Variants in PDE4B observed in about 807,000 individuals in gnomAD.
The protein encoded by PDE4B is phosphodiesterase 4B, also known as 3',5'-cyclic-AMP phosphodiesterase 4B.
Under a neutral mutation model 82.2 loss-of-function variants are expected in PDE4B, and 20 were observed. The observed-to-expected ratio is 0.24, with a 90% CI of 0.17 to 0.35. The LOEUF is 0.35. Among genes scored for constraint, PDE4B ranks in the 10% least tolerant of loss-of-function variants. The probability of loss-of-function intolerance (pLI) is 1.00; values close to 1 mark genes in which losing one functional copy is unlikely to be tolerated. For synonymous variants in PDE4B, 320 were observed against 318.9 expected (o/e 1.00, Z -0.04); for missense variants, 655 against 907.2 (o/e 0.72, Z 3.57).
At chr1:65,967,241 T>G (rs1250537263) in intron 3 of PDE4B, among the ~76,000 whole-genome samples, 2 of 152,132 alleles carry the variant, frequency 1.3e-5, no homozygotes, top group Non-Finnish European at 2.9e-5. Flanking sequence ...AACAGACACT[T>G]CTCAAAAGAA....
chr1:66,332,214 A>G (rs1660164822), intron 7 of PDE4B: 1 of 1,441,214 alleles, frequency 6.9e-7, no homozygotes, highest in Admixed American at 2.8e-5. Context: ...AGATGAGCTT[A>G]TAAGAGACCG....
intron 8 of PDE4B, among the ~76,000 whole-genome samples, chr1:66,344,339 T>C (rs2101965322): frequency 6.6e-6 from 1 of 152,228 alleles, no homozygotes; most frequent in East Asian, 1.9e-4. Flanking sequence ...CATGGGAGTG[T>C]CCTTGAGAAT....
Position 66,193,721 on chromosome 1 carries a change from C to T in PDE4B, c.282-53739C>T, listed in dbSNP as rs1473165240. 3.9e-5 allele frequency among the ~76,000 whole-genome samples: 6 copies of T among 152,036 alleles called. No individual in the cohort carries two copies. The East Asian group carries it at 7.7e-4, about 20-fold the overall frequency. On this transcript the variant is annotated intron_variant, in intron 3 of 16. Transcript: ENST00000341517. ...TTAAATTCTTTAAATTGTAGCTGAC[C>T]TTTGGAGAAATAAACATAAATTAAG...
intron 8 of PDE4B, chr1:66,354,928 T>C (rs1171845054): frequency 6.5e-7 from 1 of 1,526,996 alleles, no homozygotes; most frequent in African/African-American, 1.4e-5. Flanking sequence ...GTGTCTTTGA[T>C]AAAATGTGAA....
At chr1:66,146,377 G>A (rs544346509) in intron 3 of PDE4B, among the ~76,000 whole-genome samples, 3 of 151,890 alleles carry the variant, frequency 2.0e-5, no homozygotes, top group East Asian at 1.9e-4. Flanking sequence ...TGGAGATGGG[G>A]TTTCACAGTG....
chr1:65,882,017 T>A (rs1646714430), intron 1 of PDE4B, among the ~76,000 whole-genome samples: 1 of 152,194 alleles, frequency 6.6e-6, no homozygotes, highest in Non-Finnish European at 1.5e-5. Flanking sequence ...ATCATCTGTT[T>A]TGCAAGAAAA....
chr1:66,132,548 C>A (rs775784153), intron 3 of PDE4B, among the ~76,000 whole-genome samples: 1 of 152,068 alleles, frequency 6.6e-6, no homozygotes, highest in Non-Finnish European at 1.5e-5. Flanking sequence ...GTTGTTGGTG[C>A]TATAAAGGCC....
At chr1:65,894,004 G>T (rs1268968121) in intron 1 of PDE4B, among the ~76,000 whole-genome samples, 6 of 152,074 alleles carry the variant, frequency 3.9e-5, no homozygotes, top group South Asian at 4.1e-4. Context: ...GGGAAGTTTG[G>T]GAGGGGGGTA....
chr1:65,913,199 T>C, intron 1 of PDE4B, 46 bp from the exon 2 acceptor site: 1 of 760,644 alleles, frequency 1.3e-6, no homozygotes, highest in Non-Finnish European at 2.2e-6. Flanking sequence ...TATTTTTCTT[T>C]AAGGATACAG....
At chr1:65,856,943 T>C (rs574530646) in intron 1 of PDE4B, among the ~76,000 whole-genome samples, 2 of 152,320 alleles carry the variant, frequency 1.3e-5, no homozygotes, top group East Asian at 3.9e-4. Context: ...TGTCAGTGGA[T>C]AGTGTCAGAT....
At chr1:65,961,403 G>T (rs1170426467) in intron 3 of PDE4B, among the ~76,000 whole-genome samples, 1 of 151,950 alleles carries the variant, frequency 6.6e-6, no homozygotes. Context: ...AAATTATTGG[G>T]TTTTCCATGT....
At chr1:66,009,951 A>G (rs1448953327) in intron 3 of PDE4B, among the ~76,000 whole-genome samples, 3 of 139,616 alleles carry the variant, frequency 2.1e-5, no homozygotes, top group East Asian at 4.1e-4. Context: ...CTATCTATCT[A>G]TCATCTATCT....
In PDE4B at chr1:66,182,423, TC is replaced by T. The variant is rs1647086573; in HGVS notation, c.282-65036del. 2.6e-5 allele frequency among the ~76,000 whole-genome samples: 4 copies of T among 152,320 alleles called. No individual in the cohort carries two copies. The South Asian group carries it at 8.3e-4, about 32-fold the overall frequency. On this transcript the variant is annotated intron_variant, in intron 3 of 16. Transcript: ENST00000341517. ...TTAAAGAGACATTAAAGAAAATTGCTCTCCTATTTAAGTTAAATGTTTTAGT... is the reference window on the plus strand; with the variant it reads ...TTAAAGAGACATTAAAGAAAATTGCTTCCTATTTAAGTTAAATGTTTTAGT...
chr1:65,860,707 T>C (rs1382261357), intron 1 of PDE4B, among the ~76,000 whole-genome samples: 2 of 152,204 alleles, frequency 1.3e-5, no homozygotes, highest in Non-Finnish European at 2.9e-5. Flanking sequence ...CTCCAGCACC[T>C]GTTGTTTCCT....
intron 1 of PDE4B, among the ~76,000 whole-genome samples, chr1:65,859,917 A>G (rs1290717941): frequency 6.6e-6 from 1 of 152,198 alleles, no homozygotes; most frequent in Non-Finnish European, 1.5e-5. Flanking sequence ...GTTTTTGCCC[A>G]TGCAGGAGTA....
At chr1:66,211,168 G>A (rs188757495) in intron 3 of PDE4B, among the ~76,000 whole-genome samples, 41 of 152,238 alleles carry the variant, frequency 2.7e-4, no homozygotes, top group Admixed American at 7.9e-4. Flanking sequence ...CCTGAATTCC[G>A]CGTGATATGA....
chr1:65,902,005 G>T (rs1212426232), intron 1 of PDE4B, among the ~76,000 whole-genome samples: 3 of 151,962 alleles, frequency 2.0e-5, no homozygotes, highest in African/African-American at 4.8e-5. Context: ...TTTATTTCAA[G>T]AAATTTTTTT....
At chr1:66,160,463 A>G (rs1242263747) in intron 3 of PDE4B, among the ~76,000 whole-genome samples, 1 of 152,150 alleles carries the variant, frequency 6.6e-6, no homozygotes, top group Non-Finnish European at 1.5e-5. Context: ...AAGTTAAATC[A>G]CTTTTTACCA....
intron 1 of PDE4B, among the ~76,000 whole-genome samples, chr1:65,870,370 C>A (rs1251643488): frequency 6.6e-6 from 1 of 152,118 alleles, no homozygotes; most frequent in Admixed American, 6.6e-5. Context: ...CATTAATCCC[C>A]CCTTTGCTTC....
Sources: allele counts gnomAD v4.1 joint callset (sites outside exome capture counted in the v4.1 genomes callset), GRCh38; gene constraint gnomAD v4.1.1; transcripts MANE v1.5; gene names NCBI Gene and HGNC (gene_info 2026-07-23, HGNC 2026-07-21).